Variants in ARHGEF33 observed in about 807,000 individuals in gnomAD.
ARHGEF33 encodes DH and coiled-coil domain-containing protein ENSP00000381780.
In ARHGEF33, 72 loss-of-function variants were observed where a neutral mutation model predicts 101.9. That is an observed-to-expected ratio of 0.71 (90% CI 0.58 to 0.86). ARHGEF33 has a LOEUF of 0.86. Ranked by LOEUF, ARHGEF33 falls within the 40% of genes least tolerant of loss-of-function variation. The pLI is 0.00. For missense variants in ARHGEF33, 1,169 were observed against 1,111.3 expected, an observed-to-expected ratio of 1.05 and a Z score of -0.74; for synonymous variants, 499 against 442.5, an observed-to-expected ratio of 1.13 and a Z score of -1.60.
In ARHGEF33 at chr2:38,915,309, T is replaced by G. The variant is rs139508973; in HGVS notation, c.-85-4054T>G. 1.3e-4 allele frequency among the ~76,000 whole-genome samples: 20 copies of G among 152,008 alleles called. No individual in the cohort carries two copies. In the East Asian group the frequency reaches 3.5e-3, roughly 26 times the overall value. ...CAAACAAGTGATCATGATAGTTGTT[T>G]AAGTAGAGGCGTTATAGTTGCTTTG... is the stretch of plus-strand genomic sequence containing the variant. On this transcript the variant is annotated intron_variant, in intron 2 of 17. Transcript: ENST00000409978.
At chr2:38,907,591 A>G (rs1271924826) in intron 2 of ARHGEF33, among the ~76,000 whole-genome samples, 1 of 152,200 alleles carries the variant, frequency 6.6e-6, no homozygotes, top group African/African-American at 2.4e-5. Flanking sequence ...AGCAGAAGGA[A>G]CATTTCCTGA....
Position 38,960,222 on chromosome 2 carries a change from C to G in ARHGEF33, c.1917C>G (p.Leu639=), listed in dbSNP as rs1225350106. 1.3e-6 allele frequency: 2 copies of G among 1,547,656 alleles called. No individual in the cohort carries two copies. The highest frequency in any genetic ancestry group is 1.7e-6 in the Non-Finnish European group (2 of 1,145,790). ...YDEEPFQAPA[L]FENCSPASSE... Reference sequence around the variant, plus strand: ...AGGAGCCGTTCCAGGCTCCGGCCCTCTTCGAGAACTGCTCGCCTGCCTCCT... The same window carrying G: ...AGGAGCCGTTCCAGGCTCCGGCCCTGTTCGAGAACTGCTCGCCTGCCTCCT... The change falls in exon 16 of 18, where the codon CTC becomes CTG. Residue 639 remains leucine, a synonymous_variant. Coordinates refer to ENST00000409978, the MANE Select transcript of ARHGEF33 (RefSeq NM_001145451.5).
chr2:38,911,595 A>T (rs932373069), intron 2 of ARHGEF33, among the ~76,000 whole-genome samples: 32 of 152,252 alleles, frequency 2.1e-4, no homozygotes, highest in African/African-American at 7.2e-4. Context: ...ATTTAAAAAA[A>T]TTTTTCTGAA....
In ARHGEF33 at chr2:38,972,487, C is replaced by T. The variant is rs186222855; in HGVS notation, c.2484-1227C>T. The stretch of plus-strand genomic sequence containing the variant: ...GTAGTGGAAAAGTGTTCCTTACCAA[C>T]CAGAAGTAGAAAGCATGGTGGGCGG... On this transcript the variant is annotated intron_variant, in intron 17 of 17. Coordinates refer to ENST00000409978, the MANE Select transcript of ARHGEF33 (RefSeq NM_001145451.5). Among the ~76,000 whole-genome samples the T allele has an allele frequency of 3.3e-5, 5 of 152,214 alleles. No homozygotes were observed. In the South Asian group the frequency reaches 8.3e-4, roughly 25 times the overall value.
intron 2 of ARHGEF33, among the ~76,000 whole-genome samples, chr2:38,896,324 G>A (rs1036135777): frequency 1.3e-5 from 2 of 152,148 alleles, no homozygotes; most frequent in African/African-American, 2.4e-5. Context: ...TTTTTATAGA[G>A]ACAGGGTTTC....
chr2:38,890,735 C>T (rs1365993399), intron 1 of ARHGEF33, among the ~76,000 whole-genome samples: 2 of 152,062 alleles, frequency 1.3e-5, no homozygotes, highest in Non-Finnish European at 2.9e-5. Context: ...AATACAAAAT[C>T]ATATTGCTGT....
intron 8 of ARHGEF33, chr2:38,936,785 G>A (rs1667142411): frequency 6.6e-6 from 1 of 151,792 alleles, no homozygotes. Flanking sequence ...AGACCAGCCT[G>A]GCCAGCATGG....
chr2:38,913,513 G>A (rs187499494), intron 2 of ARHGEF33, among the ~76,000 whole-genome samples: 203 of 152,216 alleles, frequency 1.3e-3, no homozygotes, highest in African/African-American at 4.8e-3. Context: ...GGTGGCTCAC[G>A]CCTGTAATCT....
chr2:38,958,125 C>G lies in ARHGEF33; in HGVS notation c.1462C>G (p.Arg488Gly), dbSNP rs1048066465. The G allele has an allele frequency of 3.2e-6, 5 of 1,552,050 alleles. No homozygotes were observed. Among genetic ancestry groups the G allele is most frequent in the Non-Finnish European group, 4.4e-6 (5 of 1,147,082 alleles). Reference protein sequence around the residue: ...ASPTAGPEAVRDTGIHSEELL... With the variant: ...ASPTAGPEAVGDTGIHSEELL... ...CCCCACTGCAGGTCCTGAGGCTGTC[C>G]GTGACACTGGGATCCACTCAGAAGA... The change falls in exon 15 of 18, where the codon CGT (arginine) becomes GGT (glycine). Residue 488 changes from arginine (R) to glycine (G), a missense_variant. Physicochemically the swap from Arg to Gly is moderately radical, Grantham distance 125. Coordinates refer to ENST00000409978, the MANE Select transcript of ARHGEF33 (RefSeq NM_001145451.5).
intron 9 of ARHGEF33, among the ~76,000 whole-genome samples, chr2:38,941,277 A>T (rs985783002): frequency 6.6e-6 from 1 of 152,220 alleles, no homozygotes; most frequent in African/African-American, 2.4e-5. Context: ...TATGAACTAA[A>T]TAAATCCCAA....
At chr2:38,912,606 T>C (rs570239773) in intron 2 of ARHGEF33, among the ~76,000 whole-genome samples, 17 of 152,186 alleles carry the variant, frequency 1.1e-4, no homozygotes, top group Non-Finnish European at 2.1e-4. Flanking sequence ...CCATTTATTA[T>C]AGTAAAAAAT....
At chr2:38,939,403 G>T (rs964926382) in intron 9 of ARHGEF33, among the ~76,000 whole-genome samples, 1 of 152,148 alleles carries the variant, frequency 6.6e-6, no homozygotes, top group Admixed American at 6.5e-5. Context: ...AAAAGAAAAT[G>T]TCAAGCAGTT....
At chr2:38,963,191 G>A (rs2124427551) in intron 16 of ARHGEF33, among the ~76,000 whole-genome samples, 1 of 152,260 alleles carries the variant, frequency 6.6e-6, no homozygotes, top group East Asian at 1.9e-4. Flanking sequence ...GGAGGTGATG[G>A]TGGAATGGTG....
chr2:38,898,342 A>G lies in ARHGEF33; in HGVS notation c.-86+2493A>G, dbSNP rs114602418. ...GTGTCAAACACAAAATTTGGGCAGC[A>G]CATTGACTCCTTGGCTGCAGTAAGT... is the stretch of plus-strand genomic sequence containing the variant. On this transcript the variant is annotated intron_variant, in intron 2 of 17. Coordinates refer to ENST00000409978, the MANE Select transcript of ARHGEF33 (RefSeq NM_001145451.5). Among the ~76,000 whole-genome samples, 993 of 152,360 alleles carry G rather than the reference A, an allele frequency of 6.5e-3. 14 individuals carry two copies. The highest frequency in any genetic ancestry group is 0.023 in the African/African-American group (943 of 41,588).
intron 13 of ARHGEF33, among the ~76,000 whole-genome samples, chr2:38,954,962 C>T (rs147657916): frequency 7.8e-4 from 119 of 152,270 alleles, no homozygotes; most frequent in East Asian, 2.9e-3. Context: ...AAATTTTCAG[C>T]TCATGATGCT....
Position 38,973,812 on chromosome 2 carries a change from C to T in ARHGEF33, c.2582C>T (p.Ala861Val). ...QDFFRNRLAL[A>V]NDLDQGTAV ...TTCTTCAGAAACCGACTTGCTCTTG[C>T]AAATGACCTTGACCAAGGAACAGCT... is the stretch of plus-strand genomic sequence containing the variant. The change falls in exon 18 of 18, where the codon GCA becomes GTA. Residue 861 changes from alanine (A) to valine (V), a missense_variant. By Grantham distance (64) the Ala-to-Val change is moderately conservative (BLOSUM62 0). Transcript: ENST00000409978. The T allele has an allele frequency of 6.5e-7, 1 of 1,548,844 alleles. No homozygotes were observed. Among genetic ancestry groups the T allele is most frequent in the Non-Finnish European group, 8.7e-7 (1 of 1,146,010 alleles).
At chr2:38,897,165 C>A (rs558948462) in intron 2 of ARHGEF33, among the ~76,000 whole-genome samples, 1 of 152,244 alleles carries the variant, frequency 6.6e-6, no homozygotes, top group East Asian at 1.9e-4. Flanking sequence ...CCGCCCGCCT[C>A]GGCCTCCAAA....
intron 4 of ARHGEF33, 149 bp downstream of exon 4, chr2:38,921,572 A>G (rs1666757707): frequency 1.5e-6 from 1 of 645,776 alleles, no homozygotes; most frequent in Non-Finnish European, 2.8e-6. Flanking sequence ...CAGGCACCTC[A>G]GTGGGTCCCG....
Position 38,956,527 on chromosome 2 carries a change from C to T in ARHGEF33, c.1222-372C>T, listed in dbSNP as rs181745299. On this transcript the variant is annotated intron_variant, in intron 13 of 17. Coordinates refer to ENST00000409978, the MANE Select transcript of ARHGEF33 (RefSeq NM_001145451.5). ...CATAAACATCCCCCTCCCTTGCCTG[C>T]CTTGATGCCTGACGTTCTCATCATT... Among the ~76,000 whole-genome samples, 481 of 152,298 alleles carry T rather than the reference C, an allele frequency of 3.2e-3. 2 individuals are homozygous for T. Among genetic ancestry groups the T allele is most frequent in the African/African-American group, 0.011 (458 of 41,552 alleles).
Sources: gnomAD v4.1 joint callset for allele counts (sites outside exome capture counted in the v4.1 genomes callset) on GRCh38, gnomAD v4.1.1 for gene constraint, MANE v1.5 for transcripts, NCBI Gene and HGNC (gene_info 2026-07-23, HGNC 2026-07-21) for gene names.